GRID2: variants seen among roughly 807,000 people sequenced by gnomAD.
GRID2 encodes the protein glutamate ionotropic receptor delta type subunit 2, also known as glutamate receptor ionotropic, delta-2.
A neutral mutation model predicts 114.8 loss-of-function variants in GRID2; 33 were observed. That is an observed-to-expected ratio of 0.29 (90% CI 0.22 to 0.38). The LOEUF is 0.38. Ranked by LOEUF, GRID2 falls within the 10% of genes least tolerant of loss-of-function variation. GRID2 has a pLI of 1.00. For missense variants in GRID2, 1,184 were observed against 1,257.7 expected, an observed-to-expected ratio of 0.94 and a Z score of 0.89; for synonymous variants, 505 against 449.9, an observed-to-expected ratio of 1.12 and a Z score of -1.55.
intron 2 of GRID2, among the ~76,000 whole-genome samples, chr4:92,792,456 A>AACACACACACACAC (rs35204445): frequency 2.5e-3 from 343 of 136,172 alleles, no homozygotes; most frequent in African/African-American, 8.7e-3. Context: ...CAGGCAAGAG[A>AACACACACACACAC]ACACACACAC....
chr4:92,727,162 T>C (rs1736107885), intron 2 of GRID2, among the ~76,000 whole-genome samples: 2 of 152,092 alleles, frequency 1.3e-5, no homozygotes, highest in East Asian at 1.9e-4. Flanking sequence ...AGTCAACTAA[T>C]GTTTATCATG....
rs1361848384 is a variant in GRID2, at chr4:93,560,558, C to T, written c.2193+45147C>T. ...GAAAAGCCCATGATCCAAACACCTCCGACCAGGCCCCACCTTAAACACTGG... is the reference window on the plus strand; with the variant it reads ...GAAAAGCCCATGATCCAAACACCTCTGACCAGGCCCCACCTTAAACACTGG... On this transcript the variant is annotated intron_variant, in intron 13 of 15. Transcript: ENST00000282020. 3.9e-5 allele frequency among the ~76,000 whole-genome samples: 6 copies of T among 152,260 alleles called. No individual in the cohort carries two copies. The East Asian group carries it at 7.7e-4, about 20-fold the overall frequency.
chr4:93,360,882 CTT>C (rs1761823023), intron 8 of GRID2, among the ~76,000 whole-genome samples: 1 of 139,858 alleles, frequency 7.2e-6, no homozygotes, highest in African/African-American at 2.5e-5. Context: ...CTGTACTTCT[CTT>C]TGTCTATATT....
chr4:92,604,168 C>T (rs2149221927), intron 2 of GRID2, among the ~76,000 whole-genome samples: 1 of 152,204 alleles, frequency 6.6e-6, no homozygotes, highest in South Asian at 2.1e-4. Flanking sequence ...TACCATTTAA[C>T]CCAGCAATCT....
chr4:92,955,723 T>C (rs1352757218), intron 2 of GRID2, among the ~76,000 whole-genome samples: 2 of 152,124 alleles, frequency 1.3e-5, no homozygotes, highest in African/African-American at 4.8e-5. Context: ...ATGCCTAGGT[T>C]TTCTTCTAGG....
At chr4:92,725,137 C>T (rs1223688588) in intron 2 of GRID2, among the ~76,000 whole-genome samples, 1 of 152,010 alleles carries the variant, frequency 6.6e-6, no homozygotes, top group Non-Finnish European at 1.5e-5. Context: ...CCCGTCTCTA[C>T]CAAAAATATG....
chr4:92,867,359 A>G (rs1238538701), intron 2 of GRID2, among the ~76,000 whole-genome samples: 4 of 152,164 alleles, frequency 2.6e-5, no homozygotes, highest in Non-Finnish European at 5.9e-5. Flanking sequence ...CAAGGAAGAA[A>G]GCTAGAGTGA....
chr4:93,151,143 A>C (rs1482789753), intron 4 of GRID2, among the ~76,000 whole-genome samples: 1 of 150,704 alleles, frequency 6.6e-6, no homozygotes, highest in Admixed American at 6.6e-5. Flanking sequence ...AAAAGAAAGA[A>C]AAAAGAAAAG....
intron 1 of GRID2, among the ~76,000 whole-genome samples, chr4:93,793,531 C>A (rs958729539): frequency 6.6e-6 from 1 of 152,134 alleles, no homozygotes; most frequent in Non-Finnish European, 1.5e-5. Flanking sequence ...CAACTTGGTT[C>A]TATGGGAATT....
chr4:92,734,026 G>C (rs1736464202), intron 2 of GRID2, among the ~76,000 whole-genome samples: 1 of 151,988 alleles, frequency 6.6e-6, no homozygotes, highest in Non-Finnish European at 1.5e-5. Flanking sequence ...TCCTAAACTT[G>C]CAGCTCTTAT....
At chr4:92,999,652 T>G (rs186500028) in intron 2 of GRID2, among the ~76,000 whole-genome samples, 2 of 151,830 alleles carry the variant, frequency 1.3e-5, no homozygotes, top group African/African-American at 4.8e-5. Context: ...TAGCATAGAT[T>G]TTTTGAATCA....
chr4:93,622,660 T>C (rs1742316571), intron 13 of GRID2, among the ~76,000 whole-genome samples: 3 of 152,158 alleles, frequency 2.0e-5, no homozygotes, highest in Non-Finnish European at 4.4e-5. Context: ...CTTTTGTCTG[T>C]TTCAATACCT....
chr4:92,373,946 C>T (rs1277148098), intron 1 of GRID2, among the ~76,000 whole-genome samples: 1 of 152,092 alleles, frequency 6.6e-6, no homozygotes. Context: ...GGAAGTCTGG[C>T]TGTAGATTCC....
chr4:92,346,068 A>G (rs1277118050), intron 1 of GRID2, among the ~76,000 whole-genome samples: 1 of 152,200 alleles, frequency 6.6e-6, no homozygotes, highest in Admixed American at 6.5e-5. Flanking sequence ...CTGATTGGGA[A>G]ACTACTTACT....
At chr4:93,412,828 T>C (rs923150169) in intron 9 of GRID2, among the ~76,000 whole-genome samples, 5 of 152,162 alleles carry the variant, frequency 3.3e-5, no homozygotes, top group Admixed American at 2.6e-4. Flanking sequence ...CTCCCACTTA[T>C]GAGTGAGAAC....
chr4:93,105,253 A>C (rs574754399), intron 3 of GRID2, among the ~76,000 whole-genome samples: 1 of 151,962 alleles, frequency 6.6e-6, no homozygotes, highest in East Asian at 1.9e-4. Flanking sequence ...CCCATTTTGT[A>C]GGTTGCCTGT....
At chr4:93,649,433 A>G (rs1382727511) in intron 14 of GRID2, among the ~76,000 whole-genome samples, 1 of 152,178 alleles carries the variant, frequency 6.6e-6, no homozygotes, top group Non-Finnish European at 1.5e-5. Context: ...GACAATAAAA[A>G]CTTTGCCTTT....
At position 92,472,056 on chromosome 4, in the gene GRID2, C is replaced by G. The variant is rs1242459654; in HGVS notation, c.89-118075C>G. ...TCACGCCATTCTCCTGCCTCGGCCT[C>G]CCGAGTAGCTGGGACTACAGGCGCC... On this transcript the variant is annotated intron_variant, in intron 1 of 15. Coordinates refer to ENST00000282020, the MANE Select transcript of GRID2 (RefSeq NM_001510.4). Among the ~76,000 whole-genome samples the G allele has an allele frequency of 1.7e-5, 2 of 114,436 alleles. 1 individual carries two copies. Among genetic ancestry groups the G allele is most frequent in the Non-Finnish European group, 3.6e-5 (2 of 55,578 alleles). 75.1% of individuals were successfully genotyped at this position (114,436 alleles called of 152,430 possible). A position where few individuals can be genotyped will look rare whatever the true frequency, so the allele number is the denominator to read the frequency against.
intron 2 of GRID2, among the ~76,000 whole-genome samples, chr4:93,000,272 G>C (rs922883596): frequency 6.6e-6 from 1 of 151,520 alleles, no homozygotes; most frequent in Non-Finnish European, 1.5e-5. Flanking sequence ...GACACTATTA[G>C]CCAGGGTCTT....
Sources: allele counts gnomAD v4.1 joint callset (sites outside exome capture counted in the v4.1 genomes callset), GRCh38; gene constraint gnomAD v4.1.1; transcripts MANE v1.5; gene names NCBI Gene and HGNC (gene_info 2026-07-23, HGNC 2026-07-21).